The following TMPRSS11F variants were observed in gnomAD, a reference collection of about 807,000 sequenced individuals.
The protein encoded by TMPRSS11F is transmembrane protease serine 11F.
A neutral mutation model predicts 60.2 loss-of-function variants in TMPRSS11F; 47 were observed. The observed-to-expected ratio is 0.78, with a 90% CI of 0.62 to 1.00. TMPRSS11F has a LOEUF of 1.00. TMPRSS11F is among the 50% of genes least tolerant of loss of function. The probability of loss-of-function intolerance (pLI) is 0.00; values close to 1 mark genes in which losing one functional copy is unlikely to be tolerated. For missense variants in TMPRSS11F, 519 were observed against 522.9 expected, an observed-to-expected ratio of 0.99 and a Z score of 0.07; for synonymous variants, 166 against 167.3, an observed-to-expected ratio of 0.99 and a Z score of 0.06.
At position 68,059,313 on chromosome 4, in the gene TMPRSS11F, AC is replaced by A; in HGVS notation, c.1158+12del. 6.2e-7 allele frequency: 1 copy of A among 1,612,284 alleles called. No individual in the cohort carries two copies. Among genetic ancestry groups the A allele is most frequent in the South Asian group, 1.1e-5 (1 of 90,812 alleles). ...CTTTCCTCATAAACTTTTGGCCTTGACTTTAAACTTACCTTACATGCATCTA... is the reference window on the plus strand; with the variant it reads ...CTTTCCTCATAAACTTTTGGCCTTGATTTAAACTTACCTTACATGCATCTA... On this transcript the variant is annotated intron_variant, in intron 9 of 9. Coordinates refer to ENST00000356291, the MANE Select transcript of TMPRSS11F (RefSeq NM_207407.2).
At chr4:68,085,794 A>G (rs1431124881) in intron 3 of TMPRSS11F, among the ~76,000 whole-genome samples, 2 of 152,198 alleles carry the variant, frequency 1.3e-5, no homozygotes, top group Admixed American at 6.5e-5. Context: ...AGGCCATTAC[A>G]TAATGATAAA....
intron 7 of TMPRSS11F, among the ~76,000 whole-genome samples, chr4:68,067,537 C>G: frequency 1.3e-5 from 1 of 77,112 alleles, no homozygotes; most frequent in East Asian, 7.2e-4. Context: ...GGAAGACACT[C>G]TCACAAAAAC....
At chr4:68,111,729 C>A (rs2109881210) in intron 1 of TMPRSS11F, among the ~76,000 whole-genome samples, 1 of 152,136 alleles carries the variant, frequency 6.6e-6, no homozygotes, top group African/African-American at 2.4e-5. Context: ...TACATTTTAC[C>A]TCAAATTTAC....
In TMPRSS11F at chr4:68,124,624, C is replaced by A. The variant is rs190602042; in HGVS notation, c.11+5186G>T. On this transcript the variant is annotated intron_variant, in intron 1 of 9. Transcript: ENST00000356291. The stretch of plus-strand genomic sequence containing the variant: ...GCCTCATTCATTTGGGGTCCTTCTG[C>A]CTGTTCAGGTTTATTTGCCTAATTA... Among the ~76,000 whole-genome samples, 466 of 152,264 alleles carry A rather than the reference C, an allele frequency of 3.1e-3. 5 individuals are homozygous for A. The highest frequency in any genetic ancestry group is 0.011 in the African/African-American group (446 of 41,540).
intron 3 of TMPRSS11F, among the ~76,000 whole-genome samples, chr4:68,083,177 T>TTGGA (rs1400468877): frequency 7.9e-5 from 12 of 152,298 alleles, no homozygotes; most frequent in African/African-American, 2.9e-4. Flanking sequence ...CCCCACAACC[T>TTGGA]GCTCTGACTC....
chr4:68,086,684 A>G (rs532290244), intron 3 of TMPRSS11F, among the ~76,000 whole-genome samples: 1 of 152,156 alleles, frequency 6.6e-6, no homozygotes, highest in African/African-American at 2.4e-5. Flanking sequence ...GACAAAGTTG[A>G]CATTACAACC....
At chr4:68,085,381 T>A (rs1348587052) in intron 3 of TMPRSS11F, among the ~76,000 whole-genome samples, 2 of 152,004 alleles carry the variant, frequency 1.3e-5, no homozygotes, top group Admixed American at 6.6e-5. Context: ...TTTCTCCACA[T>A]CCTCTCCAGC....
chr4:68,112,458 C>T (rs1253135222), intron 1 of TMPRSS11F, among the ~76,000 whole-genome samples: 2 of 152,100 alleles, frequency 1.3e-5, no homozygotes, highest in African/African-American at 2.4e-5. Context: ...GTTGTGCTCT[C>T]TCTGCTAAGC....
intron 1 of TMPRSS11F, among the ~76,000 whole-genome samples, chr4:68,119,919 A>G (rs6815129): frequency 0.94 from 143,708 of 152,246 alleles, 68,397 homozygotes; most frequent in East Asian, 1. Flanking sequence ...CATTCTAGAT[A>G]CCACTAAGAA....
At chr4:68,086,250 T>A (rs1723809000) in intron 3 of TMPRSS11F, among the ~76,000 whole-genome samples, 1 of 152,020 alleles carries the variant, frequency 6.6e-6, no homozygotes, top group African/African-American at 2.4e-5. Flanking sequence ...TACATGGAAA[T>A]TAAGTAACTT....
Position 68,110,604 on chromosome 4 carries a change from C to T in TMPRSS11F, c.12-11566G>A, listed in dbSNP as rs927482260. Among the ~76,000 whole-genome samples, 3 of 152,254 alleles carry T rather than the reference C, an allele frequency of 2.0e-5. No individual in the cohort carries two copies. The South Asian group carries it at 6.2e-4, about 32-fold the overall frequency. On this transcript the variant is annotated intron_variant, in intron 1 of 9. Transcript: ENST00000356291. ...GAGCAGTATGATTGTAGGCAAGATA[C>T]TGAACCTTTTTTACCTCAGTTTTTT...
chr4:68,116,146 G>A (rs995423777), intron 1 of TMPRSS11F, among the ~76,000 whole-genome samples: 1 of 151,560 alleles, frequency 6.6e-6, no homozygotes, highest in Non-Finnish European at 1.5e-5. Flanking sequence ...TTTTGACCTT[G>A]AAGTAGAAAA....
At position 68,097,718 on chromosome 4, in the gene TMPRSS11F, C is replaced by T. The variant is rs1394904564; in HGVS notation, c.163+1169G>A. Among the ~76,000 whole-genome samples the T allele has an allele frequency of 1.7e-3, 245 of 148,052 alleles. 2 individuals are homozygous for T. The highest frequency in any genetic ancestry group is 5.5e-3 in the African/African-American group (220 of 40,312). On this transcript the variant is annotated intron_variant, in intron 2 of 9. Transcript: ENST00000356291. ...TTTTACTATCCCTTCATTTTTTTTT[C>T]GTTTTTAAGCATTGGGAGTGAAGGG...
At chr4:68,064,273 C>T (rs2109835531) in intron 8 of TMPRSS11F, among the ~76,000 whole-genome samples, 2 of 150,410 alleles carry the variant, frequency 1.3e-5, no homozygotes, top group East Asian at 3.9e-4. Context: ...CAACCTCTGC[C>T]TCCTAGATTC....
chr4:68,126,759 G>C (rs898947435), intron 1 of TMPRSS11F, among the ~76,000 whole-genome samples: 3 of 152,176 alleles, frequency 2.0e-5, no homozygotes, highest in Non-Finnish European at 4.4e-5. Flanking sequence ...AAATAGAAGA[G>C]TGCCAATAGA....
At chr4:68,111,667 T>C (rs1284758337) in intron 1 of TMPRSS11F, among the ~76,000 whole-genome samples, 1 of 152,198 alleles carries the variant, frequency 6.6e-6, no homozygotes, top group African/African-American at 2.4e-5. Flanking sequence ...ATGAAATTTG[T>C]GTTATTTCTC....
intron 5 of TMPRSS11F, among the ~76,000 whole-genome samples, chr4:68,071,044 C>T (rs372574283): frequency 2.5e-4 from 38 of 152,246 alleles, no homozygotes; most frequent in African/African-American, 8.4e-4. Context: ...CAATAAGAAA[C>T]TCTACAGCTG....
chr4:68,055,574 G>A (rs187591137), intron 9 of TMPRSS11F, among the ~76,000 whole-genome samples: 14 of 152,238 alleles, frequency 9.2e-5, no homozygotes, highest in Non-Finnish European at 7.4e-5. Context: ...TACTGAATCA[G>A]TAATTAAAAA....
At chr4:68,055,507 A>G (rs1723025676) in intron 9 of TMPRSS11F, among the ~76,000 whole-genome samples, 1 of 152,216 alleles carries the variant, frequency 6.6e-6, no homozygotes, top group South Asian at 2.1e-4. Context: ...CTGAATCATG[A>G]AGAAGTGGAA....
Sources: gnomAD v4.1 joint callset for allele counts (sites outside exome capture counted in the v4.1 genomes callset) on GRCh38, gnomAD v4.1.1 for gene constraint, MANE v1.5 for transcripts, NCBI Gene and HGNC (gene_info 2026-07-23, HGNC 2026-07-21) for gene names.